PHC3: variants seen among roughly 807,000 people sequenced by gnomAD.
PHC3 encodes polyhomeotic-like protein 3.
PHC3 carries 13 observed loss-of-function variants against 107.4 expected under a neutral mutation model. The observed-to-expected ratio is 0.12, with a 90% CI of 0.08 to 0.19. The LOEUF (loss-of-function observed/expected upper bound fraction) is 0.19, where lower values mean the gene tolerates loss of function less well. Among genes scored for constraint, PHC3 ranks in the 10% least tolerant of loss-of-function variants. The pLI, the probability that PHC3 is intolerant of heterozygous loss-of-function variation, is 1.00. For synonymous variants in PHC3, 456 were observed against 427.4 expected (o/e 1.07, Z -0.83); for missense variants, 992 against 1,210.9 (o/e 0.82, Z 2.68).
At chr3:170,144,805 G>A (rs1054511357) in intron 6 of PHC3, among the ~76,000 whole-genome samples, 3 of 151,930 alleles carry the variant, frequency 2.0e-5, no homozygotes, top group Non-Finnish European at 2.9e-5. Context: ...TCCCAGGCTC[G>A]AGCAATCCTC....
chr3:170,158,157 T>C (rs945121536), intron 4 of PHC3, among the ~76,000 whole-genome samples: 1 of 152,098 alleles, frequency 6.6e-6, no homozygotes, highest in Non-Finnish European at 1.5e-5. Flanking sequence ...TAAGGTAAGC[T>C]GACCTGAGCT....
intron 14 of PHC3, 92 bp downstream of exon 14, chr3:170,102,387 A>G: frequency 6.6e-7 from 1 of 1,526,492 alleles, no homozygotes; most frequent in Non-Finnish European, 8.8e-7. Context: ...GTACTTCTCT[A>G]GCCCTTTTGT....
intron 11 of PHC3, among the ~76,000 whole-genome samples, chr3:170,111,064 T>A (rs535032280): frequency 6.6e-6 from 1 of 152,134 alleles, no homozygotes; most frequent in African/African-American, 2.4e-5. Context: ...CAGACCTTAT[T>A]TGGAACCTGA....
At chr3:170,119,280 T>C (rs1030330524) in intron 9 of PHC3, among the ~76,000 whole-genome samples, 2 of 152,072 alleles carry the variant, frequency 1.3e-5, no homozygotes, top group Admixed American at 6.6e-5. Flanking sequence ...AATAAATCTA[T>C]GGAGAACTGA....
chr3:170,161,279 T>C (rs547578746), intron 4 of PHC3, among the ~76,000 whole-genome samples: 1 of 152,302 alleles, frequency 6.6e-6, no homozygotes, highest in Admixed American at 6.5e-5. Context: ...AAGGCTTACA[T>C]AAGATAAGGC....
chr3:170,093,441 A>G lies in PHC3; in HGVS notation c.*3789T>C, dbSNP rs1714313637. The G allele has an allele frequency of 6.6e-6, 1 of 152,254 alleles. No individual in the cohort carries two copies. The allele number at this position is 152,254 out of a possible 1,614,324, so 9.4% of individuals were successfully genotyped here. ...TATAACCAGGCTGTTCTGGCTGAAA[A>G]TACATCTTTAAAACATTTTAACAGT... On this transcript the variant is annotated 3_prime_UTR_variant, in exon 15 of 15. Transcript: ENST00000495893.
chr3:170,156,725 G>A (rs557554652), intron 4 of PHC3, among the ~76,000 whole-genome samples: 4 of 152,122 alleles, frequency 2.6e-5, no homozygotes, highest in African/African-American at 9.6e-5. Flanking sequence ...AGCCTCCTGA[G>A]TAGCTGGGAT....
chr3:170,128,549 C>G, intron 8 of PHC3, 135 bp downstream of exon 8: 1 of 1,235,390 alleles, frequency 8.1e-7, no homozygotes, highest in Non-Finnish European at 1.1e-6. Flanking sequence ...GCATGTTTGT[C>G]AGAATACTGA....
intron 4 of PHC3, among the ~76,000 whole-genome samples, chr3:170,156,645 T>A (rs1726948064): frequency 1.3e-5 from 2 of 151,846 alleles, no homozygotes; most frequent in Admixed American, 1.3e-4. Flanking sequence ...TCACCCAGGC[T>A]GGAGTGCAGT....
chr3:170,153,957 TC>T (rs761573454), intron 4 of PHC3, among the ~76,000 whole-genome samples: 2 of 152,060 alleles, frequency 1.3e-5, no homozygotes, highest in Non-Finnish European at 2.9e-5. Flanking sequence ...CACCGCCATG[TC>T]CCAGCCCATC....
In PHC3 at chr3:170,097,962, C is replaced by T. The variant is rs1314726806; in HGVS notation, c.2834-578G>A. On this transcript the variant is annotated intron_variant, in intron 14 of 14. Coordinates refer to ENST00000495893, the MANE Select transcript of PHC3 (RefSeq NM_024947.4). This position sits in a 1 kb window ranked among gnomAD's most constrained non-coding sequence, Gnocchi z 4.1. ...TATCAAATTTCTCAAGACTGTATTA[C>T]CAATCTATTGCAATGCTGCTGAAAT... is the stretch of plus-strand genomic sequence containing the variant. 6.6e-6 allele frequency among the ~76,000 whole-genome samples: 1 copy of T among 152,092 alleles called. No homozygotes were observed. Among genetic ancestry groups the T allele is most frequent in the East Asian group, 1.9e-4 (1 of 5,194 alleles).
chr3:170,146,481 CAA>C (rs991127342), intron 5 of PHC3, among the ~76,000 whole-genome samples: 22 of 150,724 alleles, frequency 1.5e-4, no homozygotes, highest in African/African-American at 5.3e-4. Flanking sequence ...CATCAAAAAA[CAA>C]AGACATTTAA....
chr3:170,140,579 T>C (rs1489078466), intron 6 of PHC3, among the ~76,000 whole-genome samples: 2 of 139,454 alleles, frequency 1.4e-5, no homozygotes, highest in African/African-American at 5.5e-5. Flanking sequence ...TACTCATTTC[T>C]TTTTCTTTTT....
chr3:170,150,807 TA>T, intron 4 of PHC3: 1 of 323,928 alleles, frequency 3.1e-6, no homozygotes. Flanking sequence ...GTTGTATCTA[TA>T]AAGAGACATT....
chr3:170,156,294 CTGCCCGGACTGGAA>C lies in PHC3; in HGVS notation c.415-7064_415-7051del, dbSNP rs1726887051. ...TTTCTTGAGACAGAGTCTCACTCTG[CTGCCCGGACTGGAA>C]TGCAGTGGCACAATCTCCGCTCACT... On this transcript the variant is annotated intron_variant, in intron 4 of 14. Coordinates refer to ENST00000495893, the MANE Select transcript of PHC3 (RefSeq NM_024947.4). Among the ~76,000 whole-genome samples the C allele has an allele frequency of 2.0e-5, 3 of 151,864 alleles. No homozygotes were observed. The South Asian group carries it at 6.2e-4, about 32-fold the overall frequency.
chr3:170,157,240 A>C (rs1727038275), intron 4 of PHC3, among the ~76,000 whole-genome samples: 1 of 152,208 alleles, frequency 6.6e-6, no homozygotes, highest in Admixed American at 6.5e-5. Context: ...AAAAAAACAA[A>C]ATGCAGAATA....
At chr3:170,148,995 A>C (rs1436033368) in intron 5 of PHC3, 91 bp downstream of exon 5, 3 of 1,313,090 alleles carry the variant, frequency 2.3e-6, no homozygotes, top group Non-Finnish European at 3.2e-6. Context: ...TTTCTTAAAT[A>C]TTAAAAATAC....
intron 11 of PHC3, among the ~76,000 whole-genome samples, chr3:170,107,207 C>T (rs1390195395): frequency 6.9e-6 from 1 of 144,964 alleles, no homozygotes; most frequent in East Asian, 2.2e-4. Context: ...TGCTTACAAT[C>T]CATCTAAAAT....
At chr3:170,117,773 G>A (rs543226206) in intron 9 of PHC3, among the ~76,000 whole-genome samples, 20 of 151,560 alleles carry the variant, frequency 1.3e-4, no homozygotes, top group Non-Finnish European at 2.2e-4. Flanking sequence ...CAAGGTGGGT[G>A]GATCACCTGA....
Sources: gnomAD v4.1 joint callset for allele counts (sites outside exome capture counted in the v4.1 genomes callset) on GRCh38, gnomAD v4.1.1 for gene constraint, Gnocchi (gnomAD v3.1) non-coding constraint, MANE v1.5 for transcripts, NCBI Gene and HGNC (gene_info 2026-07-23, HGNC 2026-07-21) for gene names.